CELF2: variants seen among roughly 807,000 people sequenced by gnomAD.
CELF2 encodes the protein CUGBP Elav-like family member 2.
A neutral mutation model predicts 62.6 loss-of-function variants in CELF2; 8 were observed. The ratio of observed to expected loss-of-function variants is 0.13; its 90% confidence interval spans 0.07 to 0.23. CELF2 has a LOEUF of 0.23. Among genes scored for constraint, CELF2 ranks in the 10% least tolerant of loss-of-function variants. The probability of loss-of-function intolerance (pLI) is 1.00; values close to 1 mark genes in which losing one functional copy is unlikely to be tolerated. For missense variants in CELF2, 333 were observed against 671.0 expected, an observed-to-expected ratio of 0.50 and a Z score of 5.56; for synonymous variants, 258 against 250.0, an observed-to-expected ratio of 1.03 and a Z score of -0.30.
the CELF2 span, among the ~76,000 whole-genome samples, chr10:10,640,852 A>T: frequency 4.6e-4 from 70 of 152,292 alleles, 1 homozygote; most frequent in South Asian, 0.014. Context: ...GCATGGCTGC[A>T]TTGGCCCAGT....
rs1413252881 is a variant in CELF2, at chr10:11,328,512, A to AG, written c.1439-410dup. 1.3e-5 allele frequency among the ~76,000 whole-genome samples: 2 copies of AG among 152,156 alleles called. No individual in the cohort carries two copies. The highest frequency in any genetic ancestry group is 4.8e-5 in the African/African-American group (2 of 41,434). ...ACCTGGCTGGGACACGTGAGCCCCT[A>AG]GGGGCCCCCACAGCCCTGAAATATT... On this transcript the variant is annotated intron_variant, in intron 12 of 12. Transcript: ENST00000633077. The surrounding 1 kb of genome is among the most constrained non-coding windows in gnomAD (Gnocchi z 6.4).
chr10:10,881,393 T>G (rs1347785292), intron 1 of CELF2, among the ~76,000 whole-genome samples: 6 of 152,202 alleles, frequency 3.9e-5, no homozygotes, highest in Non-Finnish European at 7.3e-5. Context: ...AATTTTTAAC[T>G]TCATTTTTTT....
chr10:11,037,051 A>G (rs189685148), intron 1 of CELF2, among the ~76,000 whole-genome samples: 28 of 145,298 alleles, frequency 1.9e-4, no homozygotes, highest in African/African-American at 7.4e-4. Context: ...CACCCACTGT[A>G]TTAGTCCGTT....
rs191944630 is a variant in CELF2 at position 11,039,768 on chromosome 10, G to A, written c.74+21605G>A. Among the ~76,000 whole-genome samples, 54 of 152,208 alleles carry A rather than the reference G, an allele frequency of 3.5e-4. No individual in the cohort carries two copies. Among genetic ancestry groups the A allele is most frequent in the Admixed American group, 1.1e-3 (17 of 15,298 alleles). The stretch of plus-strand genomic sequence containing the variant: ...AAAAAGATAATTATATATCTATTAC[G>A]TCTTACATTTTTGTAAATTCCATTG... On this transcript the variant is annotated intron_variant, in intron 1 of 12. Transcript: ENST00000633077. This position sits in a 1 kb window ranked among gnomAD's most constrained non-coding sequence, Gnocchi z 4.1.
intron 8 of CELF2, among the ~76,000 whole-genome samples, chr10:11,279,964 G>T (rs1463205793): frequency 6.6e-6 from 1 of 152,094 alleles, no homozygotes; most frequent in East Asian, 1.9e-4. Flanking sequence ...TGGTTCGAGA[G>T]GTGCCCATCT....
At chr10:11,265,192 T>C (rs774442133) in intron 5 of CELF2, among the ~76,000 whole-genome samples, 7 of 152,144 alleles carry the variant, frequency 4.6e-5, no homozygotes, top group Non-Finnish European at 7.3e-5. Context: ...AACCAAACAA[T>C]CTGCTGGTTG....
chr10:10,666,861 C>CAAA, the CELF2 span, among the ~76,000 whole-genome samples: 24 of 25,190 alleles, frequency 9.5e-4, 1 homozygote, highest in African/African-American at 4.5e-3. Flanking sequence ...GACTCCGTCT[C>CAAA]AAAAAAAAAA....
At position 11,280,541 on chromosome 10, in the gene CELF2, C is replaced by T. The variant is rs559247204; in HGVS notation, c.841+5421C>T. On this transcript the variant is annotated intron_variant, in intron 8 of 12. Transcript: ENST00000633077. The surrounding 1 kb of genome is among the most constrained non-coding windows in gnomAD (Gnocchi z 7.6). ...GAGCCAAGACATCAGCCACCAGGGA[C>T]GTGCATCGTTGCCAGGGAAGGGCCC... 5.9e-5 allele frequency among the ~76,000 whole-genome samples: 9 copies of T among 152,310 alleles called. No individual in the cohort carries two copies. Among genetic ancestry groups the T allele is most frequent in the Non-Finnish European group, 7.3e-5 (5 of 68,032 alleles).
chr10:10,657,173 T>A, the CELF2 span, among the ~76,000 whole-genome samples: 1 of 152,138 alleles, frequency 6.6e-6, no homozygotes, highest in Non-Finnish European at 1.5e-5. Context: ...AAATAATGCA[T>A]ATGTCCATTT....
In CELF2 at chr10:11,156,616, G is replaced by A. The variant is rs756573610; in HGVS notation, c.75-8870G>A. Among the ~76,000 whole-genome samples, 46 of 152,160 alleles carry A rather than the reference G, an allele frequency of 3.0e-4. No individual in the cohort carries two copies. The highest frequency in any genetic ancestry group is 5.9e-4 in the Non-Finnish European group (40 of 68,044). On this transcript the variant is annotated intron_variant, in intron 1 of 12. Transcript: ENST00000633077. The surrounding 1 kb of genome is among the most constrained non-coding windows in gnomAD (Gnocchi z 4.3). ...CACTTTAGTCATTGCGGTATCCCCA[G>A]CTCCTTGAATTTGTCAGACTCGCGT...
intron 1 of CELF2, among the ~76,000 whole-genome samples, chr10:11,124,749 A>G (rs1377540363): frequency 2.0e-5 from 3 of 152,242 alleles, no homozygotes; most frequent in African/African-American, 7.2e-5. Context: ...CTTACAGTCT[A>G]TTATACGTGA....
intron 1 of CELF2, among the ~76,000 whole-genome samples, chr10:10,814,847 T>G (rs975769105): frequency 6.6e-6 from 1 of 152,204 alleles, no homozygotes; most frequent in African/African-American, 2.4e-5. Context: ...ATTCGAATTT[T>G]GGTGAGGCTT....
At position 10,994,209 on chromosome 10, in the gene CELF2, GTGTC is replaced by G. The variant is rs755489561; in HGVS notation, c.89+74214_89+74217del. On this transcript the variant is annotated intron_variant, in intron 2 of 13. Transcript: ENST00000636488. ...ATTTCATTATTTTTACATTTGCAGAGTGTCTGTTTCTTTCTCTTGTTCCACCATG... is the reference window on the plus strand; with the variant it reads ...ATTTCATTATTTTTACATTTGCAGAGTGTTTCTTTCTCTTGTTCCACCATG... Among the ~76,000 whole-genome samples, 28 of 152,294 alleles carry G rather than the reference GTGTC, an allele frequency of 1.8e-4. No individual in the cohort carries two copies. The East Asian group carries it at 4.8e-3, about 26-fold the overall frequency.
At chr10:11,057,034 G>C (rs909921399) in intron 1 of CELF2, among the ~76,000 whole-genome samples, 1 of 152,184 alleles carries the variant, frequency 6.6e-6, no homozygotes, top group Non-Finnish European at 1.5e-5. Flanking sequence ...AGGTTGGTAG[G>C]TTGGAGGGGA....
chr10:11,255,041 G>A lies in CELF2; in HGVS notation c.404-2697G>A, dbSNP rs2078278363. On this transcript the variant is annotated intron_variant, in intron 4 of 12. Coordinates refer to ENST00000633077, the MANE Select transcript of CELF2 (RefSeq NM_001326342.2). The surrounding 1 kb of genome is among the most constrained non-coding windows in gnomAD (Gnocchi z 5.5). ...GTGTAGACGGCCTGCAGCAGGTGGTGTGGACGGCCTGCAGGTACACTCGTT... is the reference window on the plus strand; with the variant it reads ...GTGTAGACGGCCTGCAGCAGGTGGTATGGACGGCCTGCAGGTACACTCGTT... 6.6e-6 allele frequency among the ~76,000 whole-genome samples: 1 copy of A among 152,150 alleles called. No individual in the cohort carries two copies. The highest frequency in any genetic ancestry group is 6.5e-5 in the Admixed American group (1 of 15,280).
At position 11,321,499 on chromosome 10, in the gene CELF2, G is replaced by T; in HGVS notation, c.1294+113G>T. ...TGAACCCATGTCATAACAGAAAGCA[G>T]TTGTTTTGTTATTCATGTTTAAAAA... is the stretch of plus-strand genomic sequence containing the variant. On this transcript the variant is annotated intron_variant, in intron 11 of 12. Transcript: ENST00000633077. The surrounding 1 kb of genome is among the most constrained non-coding windows in gnomAD (Gnocchi z 6.2). 5 of 805,672 alleles carry T rather than the reference G, an allele frequency of 6.2e-6. No individual in the cohort carries two copies. The highest frequency in any genetic ancestry group is 1.9e-5 in the South Asian group (1 of 51,446). 49.9% of individuals were successfully genotyped at this position (805,672 alleles called of 1,614,324 possible). A position where few individuals can be genotyped will look rare whatever the true frequency, so the allele number is the denominator to read the frequency against.
At chr10:10,762,257 T>G in the CELF2 span, among the ~76,000 whole-genome samples, 47,692 of 151,708 alleles carry the variant, frequency 0.31, 8,133 homozygotes, top group East Asian at 0.51. Flanking sequence ...GGAGAAGAGT[T>G]CTACAGGAAG....
chr10:10,804,726 G>A (rs1294700893), intron 1 of CELF2, among the ~76,000 whole-genome samples: 1 of 152,192 alleles, frequency 6.6e-6, no homozygotes, highest in Non-Finnish European at 1.5e-5. Context: ...ACACGTTGAT[G>A]GGAAACATAG....
the CELF2 span, among the ~76,000 whole-genome samples, chr10:10,556,535 T>C: frequency 6.6e-6 from 1 of 152,242 alleles, no homozygotes; most frequent in Admixed American, 6.5e-5. Flanking sequence ...TATAATCCTT[T>C]GGGTATATAC....
Sources: allele counts gnomAD v4.1 joint callset (sites outside exome capture counted in the v4.1 genomes callset), GRCh38; gene constraint gnomAD v4.1.1; non-coding constraint Gnocchi (gnomAD v3.1); transcripts MANE v1.5; gene names NCBI Gene and HGNC (gene_info 2026-07-23, HGNC 2026-07-21).